The following DYNC1I1 variants were observed in gnomAD, a reference collection of about 807,000 sequenced individuals.
DYNC1I1 encodes cytoplasmic dynein 1 intermediate chain 1.
DYNC1I1 carries 43 observed loss-of-function variants against 86.6 expected under a neutral mutation model. That is an observed-to-expected ratio of 0.50 (90% CI 0.39 to 0.64). DYNC1I1 has a LOEUF of 0.64. DYNC1I1 is among the 30% of genes least tolerant of loss of function. DYNC1I1 has a pLI of 0.00. For missense variants in DYNC1I1, 604 were observed against 788.8 expected, an observed-to-expected ratio of 0.77 and a Z score of 2.81; for synonymous variants, 262 against 283.7, an observed-to-expected ratio of 0.92 and a Z score of 0.77.
intron 10 of DYNC1I1, among the ~76,000 whole-genome samples, chr7:95,998,820 TGTC>T (rs1323435139): frequency 4.0e-4 from 61 of 152,322 alleles, no homozygotes; most frequent in African/African-American, 1.2e-3. Context: ...AGAAGCATTG[TGTC>T]AGTCAGTGGA....
At chr7:95,974,187 G>C (rs887049891) in intron 6 of DYNC1I1, among the ~76,000 whole-genome samples, 1 of 152,058 alleles carries the variant, frequency 6.6e-6, no homozygotes, top group Non-Finnish European at 1.5e-5. Context: ...TTCCCCCATA[G>C]CATTTGTCTG....
At chr7:95,998,611 T>G (rs1222091304) in intron 10 of DYNC1I1, among the ~76,000 whole-genome samples, 1 of 152,250 alleles carries the variant, frequency 6.6e-6, no homozygotes, top group Non-Finnish European at 1.5e-5. Context: ...CGCATTCTCC[T>G]GTGATGTTCT....
intron 16 of DYNC1I1, among the ~76,000 whole-genome samples, chr7:96,089,733 G>A (rs542532744): frequency 1.1e-4 from 16 of 152,130 alleles, no homozygotes; most frequent in South Asian, 2.1e-4. Flanking sequence ...CATGAACTGC[G>A]TTATAAAAAT....
chr7:95,922,988 C>T (rs1488450977), intron 6 of DYNC1I1, among the ~76,000 whole-genome samples: 1 of 152,046 alleles, frequency 6.6e-6, no homozygotes, highest in East Asian at 1.9e-4. Context: ...GTCATATTTG[C>T]ATTTTTAATT....
chr7:96,061,704 T>TCACACACACA (rs1347558304), intron 14 of DYNC1I1, among the ~76,000 whole-genome samples: 27 of 130,890 alleles, frequency 2.1e-4, no homozygotes, highest in African/African-American at 8.4e-4. Context: ...CCTCTCTCTC[T>TCACACACACA]CTCTCTCTCA....
At chr7:95,885,048 C>G (rs943615339) in intron 6 of DYNC1I1, among the ~76,000 whole-genome samples, 1 of 152,198 alleles carries the variant, frequency 6.6e-6, no homozygotes, top group East Asian at 1.9e-4. Flanking sequence ...CTTAATGTTT[C>G]CATAAAAGAT....
At chr7:95,785,831 T>C (rs1490013154) in intron 1 of DYNC1I1, among the ~76,000 whole-genome samples, 2 of 140,028 alleles carry the variant, frequency 1.4e-5, no homozygotes, top group African/African-American at 5.1e-5. Flanking sequence ...TATATAACAG[T>C]ATGAGGAACA....
intron 16 of DYNC1I1, among the ~76,000 whole-genome samples, chr7:96,081,533 A>G (rs1790519699): frequency 6.6e-6 from 1 of 152,202 alleles, no homozygotes; most frequent in Non-Finnish European, 1.5e-5. Flanking sequence ...TTGAACTTTC[A>G]AGCAAAACAA....
At chr7:96,061,729 C>T (rs1314313141) in intron 14 of DYNC1I1, among the ~76,000 whole-genome samples, 1 of 149,564 alleles carries the variant, frequency 6.7e-6, no homozygotes, top group Non-Finnish European at 1.5e-5. Flanking sequence ...CACACACACA[C>T]ACACACGCAC....
chr7:96,078,378 T>C (rs1379795930), intron 15 of DYNC1I1, among the ~76,000 whole-genome samples: 1 of 152,204 alleles, frequency 6.6e-6, no homozygotes, highest in African/African-American at 2.4e-5. Flanking sequence ...TGTTTTTTAT[T>C]ATTCATCAAC....
intron 14 of DYNC1I1, among the ~76,000 whole-genome samples, chr7:96,047,318 G>A (rs1789248613): frequency 6.6e-6 from 1 of 152,088 alleles, no homozygotes; most frequent in Admixed American, 6.5e-5. Context: ...GAAGCTCAGG[G>A]GCAAAGGATG....
chr7:95,774,048 T>C (rs945394476), intron 1 of DYNC1I1, among the ~76,000 whole-genome samples: 5 of 152,184 alleles, frequency 3.3e-5, no homozygotes, highest in African/African-American at 1.2e-4. Flanking sequence ...ATCATATTTC[T>C]CAATAAAATA....
chr7:95,879,834 TAGAG>T (rs1050412184), intron 6 of DYNC1I1, among the ~76,000 whole-genome samples: 4 of 152,110 alleles, frequency 2.6e-5, no homozygotes, highest in African/African-American at 9.7e-5. Context: ...CTCCTCCTAA[TAGAG>T]AGAGAATTGT....
At chr7:95,921,226 T>C (rs1218819148) in intron 6 of DYNC1I1, among the ~76,000 whole-genome samples, 1 of 152,230 alleles carries the variant, frequency 6.6e-6, no homozygotes, top group Non-Finnish European at 1.5e-5. Context: ...GAACTGTTCA[T>C]AAGATGTGTA....
At chr7:96,108,618 C>T (rs1303070815) in intron 16 of DYNC1I1, among the ~76,000 whole-genome samples, 1 of 152,046 alleles carries the variant, frequency 6.6e-6, no homozygotes, top group Non-Finnish European at 1.5e-5. Flanking sequence ...AATTCCAGCA[C>T]TTTAGGAGGC....
intron 1 of DYNC1I1, among the ~76,000 whole-genome samples, chr7:95,784,095 T>A (rs1370001749): frequency 1.3e-5 from 2 of 152,140 alleles, no homozygotes; most frequent in African/African-American, 4.8e-5. Context: ...TCTGGAAGAC[T>A]TCCCTTCCTG....
rs76716434 is a variant in DYNC1I1, at chr7:95,998,996, C to G, written c.969+2923C>G. On this transcript the variant is annotated intron_variant, in intron 10 of 16. Transcript: ENST00000447467. ...CTACTGTCACAGGCAGTTTTTGTGT[C>G]TTTACTAAACTGAATTTTTAGTGTG... Among the ~76,000 whole-genome samples, 422 of 152,314 alleles carry G rather than the reference C, an allele frequency of 2.8e-3. 1 individual carries two copies. The highest frequency in any genetic ancestry group is 9.7e-3 in the African/African-American group (403 of 41,570).
chr7:96,049,008 C>G (rs749927806), intron 14 of DYNC1I1, among the ~76,000 whole-genome samples: 11 of 152,202 alleles, frequency 7.2e-5, no homozygotes, highest in Admixed American at 3.9e-4. Context: ...GCCTGTAGTC[C>G]CAGCACTTTG....
intron 6 of DYNC1I1, among the ~76,000 whole-genome samples, chr7:95,916,522 C>T: frequency 6.6e-6 from 1 of 152,152 alleles, no homozygotes; most frequent in East Asian, 1.9e-4. Flanking sequence ...TCTATTAGAT[C>T]TGAGTTGTTC....
Sources: allele counts gnomAD v4.1 joint callset (sites outside exome capture counted in the v4.1 genomes callset), GRCh38; gene constraint gnomAD v4.1.1; transcripts MANE v1.5; gene names NCBI Gene and HGNC (gene_info 2026-07-23, HGNC 2026-07-21).